The following SYT1 variants were observed in gnomAD, a reference collection of about 807,000 sequenced individuals.
SYT1 encodes synaptotagmin-1.
Under a neutral mutation model 44.8 loss-of-function variants are expected in SYT1, and 8 were observed. The observed-to-expected ratio is 0.18, with a 90% confidence interval of 0.10 to 0.32. SYT1 has a LOEUF of 0.32. SYT1 is among the 10% of genes least tolerant of loss of function. The pLI is 1.00. For synonymous variants in SYT1, 154 were observed against 188.8 expected (o/e 0.82, Z 1.51); for missense variants, 286 against 509.3 (o/e 0.56, Z 4.22).
At chr12:79,188,027 A>G (rs1379143334) in intron 3 of SYT1, among the ~76,000 whole-genome samples, 3 of 152,108 alleles carry the variant, frequency 2.0e-5, no homozygotes, top group African/African-American at 7.2e-5. Context: ...AAAAACACAC[A>G]CATGTACAGC....
chr12:79,097,152 G>T (rs190583679), intron 3 of SYT1, among the ~76,000 whole-genome samples: 149 of 152,050 alleles, frequency 9.8e-4, no homozygotes, highest in African/African-American at 3.5e-3. Context: ...AAGCAGGAAG[G>T]CTGAAGCCAC....
intron 9 of SYT1, among the ~76,000 whole-genome samples, chr12:79,426,847 A>G (rs1869479543): frequency 6.6e-6 from 1 of 152,188 alleles, no homozygotes; most frequent in South Asian, 2.1e-4. Context: ...CAAGGGTGGG[A>G]CCAGGTGAAG....
At chr12:79,024,495 A>G (rs1306241286) in intron 2 of SYT1, among the ~76,000 whole-genome samples, 1 of 151,886 alleles carries the variant, frequency 6.6e-6, no homozygotes, top group Non-Finnish European at 1.5e-5. Flanking sequence ...AAACTCATTT[A>G]TTCATTTAAT....
chr12:79,141,207 G>C (rs1219925542), intron 3 of SYT1, among the ~76,000 whole-genome samples: 3 of 151,930 alleles, frequency 2.0e-5, no homozygotes, highest in African/African-American at 7.3e-5. Context: ...CACCCTACCA[G>C]CTTTATCTGA....
At chr12:78,873,338 CAT>C (rs2137038759) in intron 1 of SYT1, among the ~76,000 whole-genome samples, 1 of 151,768 alleles carries the variant, frequency 6.6e-6, no homozygotes, top group African/African-American at 2.4e-5. Context: ...GTATAAGATA[CAT>C]AGTCTTTATT....
intron 4 of SYT1, among the ~76,000 whole-genome samples, chr12:79,238,627 G>A (rs561417079): frequency 7.2e-5 from 11 of 152,294 alleles, no homozygotes; most frequent in African/African-American, 2.2e-4. Flanking sequence ...TATGTGCTGC[G>A]GTAGTGAAAA....
chr12:79,222,293 T>C (rs1217194816), intron 4 of SYT1, among the ~76,000 whole-genome samples: 1 of 152,116 alleles, frequency 6.6e-6, no homozygotes, highest in Non-Finnish European at 1.5e-5. Context: ...ATGAATTTAA[T>C]TGGAGACCTT....
At chr12:79,157,106 T>C (rs566228234) in intron 3 of SYT1, among the ~76,000 whole-genome samples, 3 of 152,278 alleles carry the variant, frequency 2.0e-5, no homozygotes, top group African/African-American at 7.2e-5. Context: ...ATCCTGGGTC[T>C]GGGTCACCCA....
chr12:78,904,570 A>G (rs1875852839), intron 1 of SYT1, among the ~76,000 whole-genome samples: 1 of 152,160 alleles, frequency 6.6e-6, no homozygotes, highest in Non-Finnish European at 1.5e-5. Flanking sequence ...AACCTGAAAC[A>G]CAGAAAAACT....
At chr12:79,396,102 T>G (rs772625700) in intron 9 of SYT1, among the ~76,000 whole-genome samples, 6 of 152,148 alleles carry the variant, frequency 3.9e-5, no homozygotes, top group Non-Finnish European at 8.8e-5. Flanking sequence ...ATTTTAATAC[T>G]TTAGAAATTG....
intron 3 of SYT1, among the ~76,000 whole-genome samples, chr12:79,162,041 C>A (rs1870981217): frequency 6.6e-6 from 1 of 152,094 alleles, no homozygotes; most frequent in Non-Finnish European, 1.5e-5. Context: ...ACTCTATTCT[C>A]ATTTTTCTGT....
intron 1 of SYT1, among the ~76,000 whole-genome samples, chr12:78,900,852 T>C (rs1875622962): frequency 6.6e-6 from 1 of 152,182 alleles, no homozygotes; most frequent in Non-Finnish European, 1.5e-5. Flanking sequence ...CATTCTTATT[T>C]CTTAATTTGA....
At chr12:79,405,037 T>C (rs887788082) in intron 9 of SYT1, among the ~76,000 whole-genome samples, 6 of 152,152 alleles carry the variant, frequency 3.9e-5, no homozygotes, top group African/African-American at 1.4e-4. Flanking sequence ...CAGCAGGCCA[T>C]TGATTGGGAA....
At chr12:79,352,201 A>G (rs1882938576) in intron 8 of SYT1, among the ~76,000 whole-genome samples, 1 of 151,970 alleles carries the variant, frequency 6.6e-6, no homozygotes, top group African/African-American at 2.4e-5. Flanking sequence ...CCCCCCAAAA[A>G]AAAAACGGGG....
intron 1 of SYT1, among the ~76,000 whole-genome samples, chr12:78,903,142 C>T (rs952514054): frequency 7.9e-5 from 12 of 151,496 alleles, no homozygotes; most frequent in African/African-American, 2.7e-4. Context: ...AATAAAAAAT[C>T]GTCAAATCTG....
At chr12:78,891,548 A>G (rs75902519) in intron 1 of SYT1, among the ~76,000 whole-genome samples, 1,601 of 152,008 alleles carry the variant, frequency 0.011, 27 homozygotes, top group African/African-American at 0.037. Context: ...AGTTAACAGA[A>G]TTTCTAGGTG....
At chr12:78,971,374 G>A (rs1365049992) in intron 1 of SYT1, among the ~76,000 whole-genome samples, 2 of 152,240 alleles carry the variant, frequency 1.3e-5, no homozygotes, top group Middle Eastern at 3.4e-3. Flanking sequence ...TAGAGAAAGT[G>A]AAGGCAATTC....
chr12:79,339,709 A>G (rs184472157), intron 8 of SYT1, among the ~76,000 whole-genome samples: 1 of 152,214 alleles, frequency 6.6e-6, no homozygotes, highest in African/African-American at 2.4e-5. Context: ...TTTTGTTGTC[A>G]TTGCTTTTGG....
intron 6 of SYT1, among the ~76,000 whole-genome samples, chr12:79,295,039 G>C (rs1051866696): frequency 6.6e-6 from 1 of 152,036 alleles, no homozygotes; most frequent in Non-Finnish European, 1.5e-5. Context: ...TTTTTTAAGA[G>C]GGGGAATTGC....
Sources: gnomAD v4.1 joint callset for allele counts (sites outside exome capture counted in the v4.1 genomes callset) on GRCh38, gnomAD v4.1.1 for gene constraint, MANE v1.5 for transcripts, NCBI Gene and HGNC (gene_info 2026-07-23, HGNC 2026-07-21) for gene names.